The following RALGPS2 variants were observed in gnomAD, a reference collection of about 807,000 sequenced individuals.
The protein encoded by RALGPS2 is Ral GEF with PH domain and SH3 binding motif 2.
In RALGPS2, 43 loss-of-function variants were observed where a neutral mutation model predicts 86.8. The ratio of observed to expected loss-of-function variants is 0.50; its 90% CI spans 0.39 to 0.64. RALGPS2 has a LOEUF of 0.64. RALGPS2 is among the 30% of genes least tolerant of loss of function. The pLI, the probability that RALGPS2 is intolerant of heterozygous loss-of-function variation, is 0.00. For synonymous variants in RALGPS2, 243 were observed against 231.3 expected (o/e 1.05, Z -0.46); for missense variants, 536 against 694.6 (o/e 0.77, Z 2.57).
intron 10 of RALGPS2, among the ~76,000 whole-genome samples, chr1:178,881,861 A>G (rs1659267347): frequency 6.6e-6 from 1 of 152,194 alleles, no homozygotes; most frequent in African/African-American, 2.4e-5. Context: ...AAATTAGAAG[A>G]AAACATTTTT....
intron 4 of RALGPS2, among the ~76,000 whole-genome samples, chr1:178,803,649 A>G (rs1654592796): frequency 6.6e-6 from 1 of 152,136 alleles, no homozygotes; most frequent in South Asian, 2.1e-4. Context: ...AGGCTAATTG[A>G]ATATCCAGAA....
At chr1:178,789,251 G>T (rs1653837321) in intron 4 of RALGPS2, among the ~76,000 whole-genome samples, 1 of 152,170 alleles carries the variant, frequency 6.6e-6, no homozygotes, top group African/African-American at 2.4e-5. Flanking sequence ...GTGGCAAAGA[G>T]CATAGGGGAA....
chr1:178,888,830 T>G (rs1659600466), intron 13 of RALGPS2, among the ~76,000 whole-genome samples: 1 of 152,126 alleles, frequency 6.6e-6, no homozygotes, highest in Non-Finnish European at 1.5e-5. Flanking sequence ...GATGGATACC[T>G]TACAGCATTA....
At chr1:178,780,958 T>A (rs1653363286) in intron 2 of RALGPS2, among the ~76,000 whole-genome samples, 1 of 152,012 alleles carries the variant, frequency 6.6e-6, no homozygotes, top group South Asian at 2.1e-4. Flanking sequence ...ATATATATGT[T>A]TGTAATATAT....
intron 1 of RALGPS2, among the ~76,000 whole-genome samples, chr1:178,755,326 C>T (rs1651894504): frequency 6.6e-6 from 1 of 152,072 alleles, no homozygotes; most frequent in Non-Finnish European, 1.5e-5. Context: ...AGTTTTTCAA[C>T]CCTTCCCCCT....
intron 8 of RALGPS2, among the ~76,000 whole-genome samples, chr1:178,847,899 A>G (rs1344326323): frequency 1.3e-5 from 2 of 152,156 alleles, no homozygotes; most frequent in Non-Finnish European, 2.9e-5. Flanking sequence ...TAATTTTGGC[A>G]TTTTCCAAAA....
intron 7 of RALGPS2, among the ~76,000 whole-genome samples, chr1:178,827,252 T>C (rs1194418207): frequency 2.0e-5 from 3 of 152,174 alleles, no homozygotes; most frequent in African/African-American, 7.2e-5. Flanking sequence ...ACAGATTCAG[T>C]GCAGTCACTA....
chr1:178,849,184 T>C (rs1191739535), intron 8 of RALGPS2, among the ~76,000 whole-genome samples: 1 of 152,184 alleles, frequency 6.6e-6, no homozygotes. Flanking sequence ...TATAAATTGC[T>C]CAAGGTAACA....
intron 5 of RALGPS2, among the ~76,000 whole-genome samples, chr1:178,810,947 C>T (rs1654947591): frequency 6.6e-6 from 1 of 151,840 alleles, no homozygotes; most frequent in African/African-American, 2.4e-5. Flanking sequence ...TATTATATAT[C>T]TAATCTGCCT....
chr1:178,742,411 T>A (rs1302549029), intron 1 of RALGPS2, among the ~76,000 whole-genome samples: 1 of 152,182 alleles, frequency 6.6e-6, no homozygotes, highest in African/African-American at 2.4e-5. Context: ...GAGGATGTAA[T>A]AGTTCTAAAC....
At chr1:178,749,340 A>T (rs1270360189) in intron 1 of RALGPS2, among the ~76,000 whole-genome samples, 1 of 152,124 alleles carries the variant, frequency 6.6e-6, no homozygotes, top group African/African-American at 2.4e-5. Context: ...TACAAAAATC[A>T]GCTGGCGTGG....
At chr1:178,773,633 AAAAATACAAAAAATTAGCC>A in intron 1 of RALGPS2, among the ~76,000 whole-genome samples, 1 of 152,114 alleles carries the variant, frequency 6.6e-6, no homozygotes, top group African/African-American at 2.4e-5. Flanking sequence ...CATCTCTACT[AAAAATACAAAAAATTAGCC>A]GGGCGTGGTG....
intron 18 of RALGPS2, among the ~76,000 whole-genome samples, chr1:178,903,813 C>T (rs1054002813): frequency 3.3e-5 from 5 of 152,090 alleles, no homozygotes; most frequent in East Asian, 1.9e-4. Flanking sequence ...TGTGAACATG[C>T]GCATGCAAGT....
chr1:178,917,613 G>A lies in RALGPS2; in HGVS notation c.*1254G>A, dbSNP rs926556632. 1.3e-5 allele frequency: 2 copies of A among 151,776 alleles called. No homozygotes were observed. The highest frequency in any genetic ancestry group is 4.8e-5 in the African/African-American group (2 of 41,302). 9.4% of individuals were successfully genotyped at this position (151,776 alleles called of 1,614,324 possible). A position where few individuals can be genotyped will look rare whatever the true frequency, so the allele number is the denominator to read the frequency against. On this transcript the variant is annotated 3_prime_UTR_variant, in exon 20 of 20. Transcript: ENST00000367635. ...AACATTTTTCTGAAAATTTACTGTC[G>A]GTCTCTGACATGAAACCGTATTTTG...
At chr1:178,759,115 T>G (rs567983456) in intron 1 of RALGPS2, among the ~76,000 whole-genome samples, 2 of 152,274 alleles carry the variant, frequency 1.3e-5, no homozygotes, top group Non-Finnish European at 2.9e-5. Flanking sequence ...TTGCCTGTGC[T>G]TGTGGGGTGT....
chr1:178,805,914 CTCT>C (rs1417149485), intron 4 of RALGPS2, among the ~76,000 whole-genome samples: 1 of 152,006 alleles, frequency 6.6e-6, no homozygotes, highest in Non-Finnish European at 1.5e-5. Flanking sequence ...TACTGAATGT[CTCT>C]TCTTAATATT....
At chr1:178,834,809 GCT>G (rs1456218281) in intron 8 of RALGPS2, among the ~76,000 whole-genome samples, 8 of 152,244 alleles carry the variant, frequency 5.3e-5, no homozygotes, top group African/African-American at 1.7e-4. Context: ...AGACAGCCTC[GCT>G]CTGTTTCCTA....
At chr1:178,839,770 CAT>C (rs894382887) in intron 8 of RALGPS2, among the ~76,000 whole-genome samples, 169 of 152,296 alleles carry the variant, frequency 1.1e-3, no homozygotes, top group African/African-American at 3.7e-3. Flanking sequence ...AGACCCATCT[CAT>C]GTGCAGGGAC....
At chr1:178,830,960 A>G (rs1031175209) in intron 7 of RALGPS2, among the ~76,000 whole-genome samples, 2 of 152,256 alleles carry the variant, frequency 1.3e-5, no homozygotes, top group African/African-American at 2.4e-5. Context: ...GAGGATACAC[A>G]TAGAAGCAGT....
Sources: allele counts gnomAD v4.1 joint callset (sites outside exome capture counted in the v4.1 genomes callset), GRCh38; gene constraint gnomAD v4.1.1; transcripts MANE v1.5; gene names NCBI Gene and HGNC (gene_info 2026-07-23, HGNC 2026-07-21).